FOSL2: variants seen among roughly 807,000 people sequenced by gnomAD.
FOSL2 encodes the protein fos-related antigen 2.
In FOSL2, 3 loss-of-function variants were observed where a neutral mutation model predicts 27.7. That is an observed-to-expected ratio of 0.11 (90% CI 0.05 to 0.28). The LOEUF is 0.28. FOSL2 is among the 10% of genes least tolerant of loss of function. The probability of loss-of-function intolerance (pLI) is 1.00; values close to 1 mark genes in which losing one functional copy is unlikely to be tolerated. For missense variants in FOSL2, 333 were observed against 445.1 expected (o/e 0.75, Z 2.27); for synonymous variants, 179 against 190.1 (o/e 0.94, Z 0.48).
In FOSL2 at chr2:28,413,942, C is replaced by T. The variant is rs1299583177; in HGVS notation, c.*1494C>T. 2 of 397,520 alleles carry T rather than the reference C, an allele frequency of 5.0e-6. No homozygotes were observed. Among genetic ancestry groups the T allele is most frequent in the African/African-American group, 4.1e-5 (2 of 48,636 alleles). 24.6% of individuals were successfully genotyped at this position (397,520 alleles called of 1,614,324 possible). On this transcript the variant is annotated 3_prime_UTR_variant, in exon 4 of 4. Transcript: ENST00000264716. ...CCTTTCACGGGGTTGGGGAAGGGTC[C>T]CCCTGGCCTCCAGCAGGAGCACAGC... is the stretch of plus-strand genomic sequence containing the variant.
At chr2:28,400,304 G>A (rs550744299) in intron 1 of FOSL2, among the ~76,000 whole-genome samples, 9 of 152,284 alleles carry the variant, frequency 5.9e-5, no homozygotes, top group South Asian at 4.1e-4. Context: ...AGAGAACCAC[G>A]ATTTATCTCC....
chr2:28,403,759 C>T lies in FOSL2; in HGVS notation c.103-348C>T, dbSNP rs1227537805. ...GGTGCCACATCCTGCAGATGTGTAT[C>T]CTGGAGAGCTGCCAAGAGGGCCTGC... is the stretch of plus-strand genomic sequence containing the variant. On this transcript the variant is annotated intron_variant, in intron 1 of 3. Coordinates refer to ENST00000264716, the MANE Select transcript of FOSL2 (RefSeq NM_005253.4). Among the ~76,000 whole-genome samples, 5 of 152,180 alleles carry T rather than the reference C, an allele frequency of 3.3e-5. No individual in the cohort carries two copies. In the South Asian group the frequency reaches 1.0e-3, roughly 32 times the overall value.
Position 28,404,369 on chromosome 2 carries a change from G to T in FOSL2, c.354+11G>T. On this transcript the variant is annotated intron_variant, in intron 2 of 3. Coordinates refer to ENST00000264716, the MANE Select transcript of FOSL2 (RefSeq NM_005253.4). This position sits in a 1 kb window ranked among gnomAD's most constrained non-coding sequence, Gnocchi z 4.7. ...AGGAGAGATGAGCAGGTACAGCTCA[G>T]ACCAGTGGGAAGGAGCCACGTCAGT... The T allele has an allele frequency of 6.2e-7, 1 of 1,608,128 alleles. No individual in the cohort carries two copies. The highest frequency in any genetic ancestry group is 8.5e-7 in the Non-Finnish European group (1 of 1,175,892).
rs780024675 is a variant in FOSL2, at chr2:28,393,836, C to A, written c.102+14C>A. On this transcript the variant is annotated intron_variant, in intron 1 of 3. Coordinates refer to ENST00000264716, the MANE Select transcript of FOSL2 (RefSeq NM_005253.4). This position sits in a 1 kb window ranked among gnomAD's most constrained non-coding sequence, Gnocchi z 4.6. ...GGCGGCCAGCAGGTAGGTGCGGGCCCCGGTGCACCTGGCGGCGCGGGCGGA... is the reference window on the plus strand; with the variant it reads ...GGCGGCCAGCAGGTAGGTGCGGGCCACGGTGCACCTGGCGGCGCGGGCGGA... 2 of 1,568,636 alleles carry A rather than the reference C, an allele frequency of 1.3e-6. No individual in the cohort carries two copies. Among genetic ancestry groups the A allele is most frequent in the African/African-American group, 2.7e-5 (2 of 73,186 alleles).
rs1212642810 is a variant in FOSL2, at chr2:28,393,738, C to A, written c.18C>A (p.Pro6=). 1 of 1,610,152 alleles carries A rather than the reference C, an allele frequency of 6.2e-7. No individual in the cohort carries two copies. Among genetic ancestry groups the A allele is most frequent in the East Asian group, 2.2e-5 (1 of 44,640 alleles). The part of the protein sequence containing the change: MYQDY[P]GNFDTSSRGS... The stretch of plus-strand genomic sequence containing the variant: ...CGCGGATCATGTACCAGGATTATCC[C>A]GGGAACTTTGACACCTCGTCCCGGG... Residue 6 remains proline (P), a synonymous_variant, in exon 1 of 4, where the codon CCC becomes CCA. Coordinates refer to ENST00000264716, the MANE Select transcript of FOSL2 (RefSeq NM_005253.4). The surrounding 1 kb of genome is among the most constrained non-coding windows in gnomAD (Gnocchi z 4.6).
At position 28,403,445 on chromosome 2, in the gene FOSL2, C is replaced by T. The variant is rs143290525; in HGVS notation, c.103-662C>T. On this transcript the variant is annotated intron_variant, in intron 1 of 3. Coordinates refer to ENST00000264716, the MANE Select transcript of FOSL2 (RefSeq NM_005253.4). The stretch of plus-strand genomic sequence containing the variant: ...CAGCCAGTCTGCCCCAAGCAAGATG[C>T]TGATGATGGGAAGGGAGGAGGGACA... 5.9e-5 allele frequency among the ~76,000 whole-genome samples: 9 copies of T among 152,246 alleles called. No homozygotes were observed. The South Asian group carries it at 1.2e-3, about 21-fold the overall frequency.
chr2:28,398,450 C>T (rs1449664208), intron 1 of FOSL2, among the ~76,000 whole-genome samples: 1 of 152,236 alleles, frequency 6.6e-6, no homozygotes, highest in Non-Finnish European at 1.5e-5. Context: ...CCATGGAGTA[C>T]AGAGCCGCCA....
intron 1 of FOSL2, chr2:28,395,832 T>G (rs759299616): frequency 6.6e-6 from 1 of 152,032 alleles, no homozygotes; most frequent in African/African-American, 2.4e-5. Context: ...GTGGTGGTGG[T>G]TGGGTGGGGG....
At position 28,404,659 on chromosome 2, in the gene FOSL2, C is replaced by T. The variant is rs909247757; in HGVS notation, c.354+301C>T. On this transcript the variant is annotated intron_variant, in intron 2 of 3. Transcript: ENST00000264716. This position sits in a 1 kb window ranked among gnomAD's most constrained non-coding sequence, Gnocchi z 4.7. ...TGGCTACAGATGGGAAGGACCATTACGACCTGCCCACAGCAGGATCCTTCT... is the reference window on the plus strand; with the variant it reads ...TGGCTACAGATGGGAAGGACCATTATGACCTGCCCACAGCAGGATCCTTCT... Among the ~76,000 whole-genome samples, 2 of 152,192 alleles carry T rather than the reference C, an allele frequency of 1.3e-5. No individual in the cohort carries two copies. The highest frequency in any genetic ancestry group is 2.4e-5 in the African/African-American group (1 of 41,446).
At chr2:28,395,794 A>G (rs1194002403) in intron 1 of FOSL2, 1 of 152,118 alleles carries the variant, frequency 6.6e-6, no homozygotes, top group Non-Finnish European at 1.5e-5. Flanking sequence ...CACTTGAGAC[A>G]AGTTTCTTGG....
At position 28,408,461 on chromosome 2, in the gene FOSL2, G is replaced by A. The variant is rs147011248; in HGVS notation, c.355-298G>A. Among the ~76,000 whole-genome samples the A allele has an allele frequency of 8.9e-4, 136 of 152,326 alleles. 2 individuals are homozygous for A. The highest frequency in any genetic ancestry group is 3.0e-3 in the African/African-American group (123 of 41,566). ...CTGAATCAGGGCTGATGTGATAGGT[G>A]CTGCCATCATGCCTGGGCCAGTGAA... On this transcript the variant is annotated intron_variant, in intron 2 of 3. Transcript: ENST00000264716. This position sits in a 1 kb window ranked among gnomAD's most constrained non-coding sequence, Gnocchi z 4.1.
rs1663706326 is a variant in FOSL2, at chr2:28,392,966, G to GGGAGA, written c.-752_-748dup. ...AGAGGGAGAGAGAGAGAGAGAGAGAGGGAGAGGCGCGGCCGGGCGAGGCGG... is the reference window on the plus strand; with the variant it reads ...AGAGGGAGAGAGAGAGAGAGAGAGAGGGAGAGGAGAGGCGCGGCCGGGCGAGGCGG... On this transcript the variant is annotated 5_prime_UTR_variant, in exon 1 of 4. Coordinates refer to ENST00000264716, the MANE Select transcript of FOSL2 (RefSeq NM_005253.4). 2 of 685,340 alleles carry GGGAGA rather than the reference G, an allele frequency of 2.9e-6. No homozygotes were observed. The highest frequency in any genetic ancestry group is 5.4e-6 in the Non-Finnish European group (2 of 367,256). The allele number at this position is 685,340 out of a possible 1,614,324, so 42.5% of individuals were successfully genotyped here. A position where few individuals can be genotyped will look rare whatever the true frequency, so the allele number is the denominator to read the frequency against.
chr2:28,407,347 G>A (rs1311655895), intron 2 of FOSL2, among the ~76,000 whole-genome samples: 2 of 152,230 alleles, frequency 1.3e-5, no homozygotes, highest in Non-Finnish European at 2.9e-5. Context: ...TGGCCAAATG[G>A]CCTCATGACC....
At position 28,393,880 on chromosome 2, in the gene FOSL2, C is replaced by A. The variant is rs941439836; in HGVS notation, c.102+58C>A. 1.1e-5 allele frequency: 12 copies of A among 1,107,682 alleles called. No individual in the cohort carries two copies. Among genetic ancestry groups the A allele is most frequent in the Non-Finnish European group, 1.6e-5 (12 of 764,174 alleles). 68.6% of individuals were successfully genotyped at this position (1,107,682 alleles called of 1,614,324 possible). On this transcript the variant is annotated intron_variant, in intron 1 of 3. Transcript: ENST00000264716. This position sits in a 1 kb window ranked among gnomAD's most constrained non-coding sequence, Gnocchi z 4.6. ...GGGCGGACCCCTGCCCTCTTCTCGC[C>A]GCCACTGCCTCTTTTGCTTTCTTTT...
In FOSL2 at chr2:28,414,493, G is replaced by C. The variant is rs984379414; in HGVS notation, c.*2045G>C. On this transcript the variant is annotated 3_prime_UTR_variant, in exon 4 of 4. Transcript: ENST00000264716. ...TTGGGCAGTTGGGTTTCTGGCTTGA[G>C]ATGAATCCAAGCAGCAGAATGAGCC... 6.6e-6 allele frequency: 1 copy of C among 152,180 alleles called. No individual in the cohort carries two copies. The highest frequency in any genetic ancestry group is 2.1e-4 in the South Asian group (1 of 4,836). The allele number at this position is 152,180 out of a possible 1,614,324, so 9.4% of individuals were successfully genotyped here. A position where few individuals can be genotyped will look rare whatever the true frequency, so the allele number is the denominator to read the frequency against.
At position 28,412,479 on chromosome 2, in the gene FOSL2, G is replaced by T. The variant is rs1271368908; in HGVS notation, c.*31G>T. The T allele has an allele frequency of 1.1e-5, 17 of 1,584,460 alleles. No individual in the cohort carries two copies. The highest frequency in any genetic ancestry group is 1.5e-5 in the Non-Finnish European group (17 of 1,169,698). Reference sequence around the variant, plus strand: ...TGCACCTCCCTCCCCAGCTCCGGAGGGGGTCCTCCTCGCTCCTCCTTCCCA... The same window carrying T: ...TGCACCTCCCTCCCCAGCTCCGGAGTGGGTCCTCCTCGCTCCTCCTTCCCA... On this transcript the variant is annotated 3_prime_UTR_variant, in exon 4 of 4. Transcript: ENST00000264716. The surrounding 1 kb of genome is among the most constrained non-coding windows in gnomAD (Gnocchi z 7.1).
intron 2 of FOSL2, among the ~76,000 whole-genome samples, chr2:28,406,802 C>G (rs1164939538): frequency 6.6e-6 from 1 of 152,218 alleles, no homozygotes; most frequent in Non-Finnish European, 1.5e-5. Context: ...CTCCGGCCGT[C>G]CCCAGCCTCC....
Position 28,412,497 on chromosome 2 carries a change from C to G in FOSL2, c.*49C>G, listed in dbSNP as rs762694247. 1.3e-6 allele frequency: 2 copies of G among 1,568,258 alleles called. No homozygotes were observed. Among genetic ancestry groups the G allele is most frequent in the East Asian group, 2.2e-5 (1 of 44,566 alleles). On this transcript the variant is annotated 3_prime_UTR_variant, in exon 4 of 4. Coordinates refer to ENST00000264716, the MANE Select transcript of FOSL2 (RefSeq NM_005253.4). This position sits in a 1 kb window ranked among gnomAD's most constrained non-coding sequence, Gnocchi z 7.1. ...TCCGGAGGGGGTCCTCCTCGCTCCT[C>G]CTTCCCAGGGACCAGCACCTTCAAG...
Position 28,412,565 on chromosome 2 carries a change from G to T in FOSL2, c.*117G>T, listed in dbSNP as rs1167275206. ...GGCAAGAGGGGGACCTGCCACCAGG[G>T]AGCTTCCTGGCTCTGGGGGACCCAG... On this transcript the variant is annotated 3_prime_UTR_variant, in exon 4 of 4. Transcript: ENST00000264716. The surrounding 1 kb of genome is among the most constrained non-coding windows in gnomAD (Gnocchi z 7.1). 16 of 1,249,102 alleles carry T rather than the reference G, an allele frequency of 1.3e-5. No homozygotes were observed. The highest frequency in any genetic ancestry group is 1.6e-5 in the Non-Finnish European group (15 of 911,632). 77.4% of individuals were successfully genotyped at this position (1,249,102 alleles called of 1,614,324 possible). A position where few individuals can be genotyped will look rare whatever the true frequency, so the allele number is the denominator to read the frequency against.
Sources: allele counts gnomAD v4.1 joint callset (sites outside exome capture counted in the v4.1 genomes callset), GRCh38; gene constraint gnomAD v4.1.1; non-coding constraint Gnocchi (gnomAD v3.1); transcripts MANE v1.5; gene names NCBI Gene and HGNC (gene_info 2026-07-23, HGNC 2026-07-21).